REDIC1: variants seen among roughly 807,000 people sequenced by gnomAD.
The protein encoded by REDIC1 is regulator of DNA class I crossover intermediates 1.
chr12:39,783,925 C>A, the REDIC1 span, among the ~76,000 whole-genome samples: 1 of 152,132 alleles, frequency 6.6e-6, no homozygotes, highest in Non-Finnish European at 1.5e-5. Context: ...TTCCTGTACA[C>A]AAATAACAGA....
chr12:39,802,767 ATAGATG>A, the REDIC1 span, among the ~76,000 whole-genome samples: 641 of 152,340 alleles, frequency 4.2e-3, 3 homozygotes, highest in African/African-American at 0.014. Context: ...GTAACCATAT[ATAGATG>A]TAGATATGGA....
At chr12:39,691,137 G>A in the REDIC1 span, among the ~76,000 whole-genome samples, 1 of 152,108 alleles carries the variant, frequency 6.6e-6, no homozygotes, top group African/African-American at 2.4e-5. Context: ...GTGGAGGATT[G>A]TGGGGAAGAT....
chr12:39,679,336 A>G, the REDIC1 span, among the ~76,000 whole-genome samples: 1 of 152,228 alleles, frequency 6.6e-6, no homozygotes. Flanking sequence ...AATGTACACA[A>G]TGCAGTAGAA....
At chr12:39,716,076 A>G in the REDIC1 span, among the ~76,000 whole-genome samples, 2 of 151,952 alleles carry the variant, frequency 1.3e-5, no homozygotes, top group African/African-American at 2.4e-5. Flanking sequence ...GGTTTATTGC[A>G]TATAGTAGGG....
the REDIC1 span, among the ~76,000 whole-genome samples, chr12:39,701,913 C>G: frequency 6.6e-6 from 1 of 152,032 alleles, no homozygotes; most frequent in East Asian, 1.9e-4. Flanking sequence ...CACAACATAC[C>G]AGAATCTCTG....
chr12:39,680,768 G>GCA, the REDIC1 span, among the ~76,000 whole-genome samples: 112,433 of 149,730 alleles, frequency 0.75, 42,952 homozygotes, highest in Non-Finnish European at 0.83. Flanking sequence ...AAATACATAC[G>GCA]CACACACACA....
the REDIC1 span, among the ~76,000 whole-genome samples, chr12:39,810,445 GTA>G: frequency 1.3e-5 from 2 of 152,072 alleles, no homozygotes; most frequent in Admixed American, 6.6e-5. Context: ...TGAAAATAGA[GTA>G]TATATTCCTT....
At chr12:39,713,156 TAC>T in the REDIC1 span, among the ~76,000 whole-genome samples, 3 of 150,238 alleles carry the variant, frequency 2.0e-5, no homozygotes, top group Admixed American at 1.3e-4. Flanking sequence ...TATGTGCATA[TAC>T]ACACGTGTAT....
chr12:39,684,774 T>C, the REDIC1 span: 1 of 865,412 alleles, frequency 1.2e-6, no homozygotes, highest in Admixed American at 2.4e-5. Flanking sequence ...CATATAATTC[T>C]GATCTGAAGC....
chr12:39,831,671 C>T, the REDIC1 span, among the ~76,000 whole-genome samples: 3 of 151,968 alleles, frequency 2.0e-5, no homozygotes, highest in East Asian at 5.8e-4. Flanking sequence ...GGGAAAGATC[C>T]CTCATGAATG....
the REDIC1 span, among the ~76,000 whole-genome samples, chr12:39,813,045 A>G: frequency 2.2e-5 from 2 of 89,118 alleles, no homozygotes; most frequent in Non-Finnish European, 4.0e-5. Flanking sequence ...GGGTTTCACC[A>G]TGTTGGCCAC....
chr12:39,723,178 T>C, the REDIC1 span, among the ~76,000 whole-genome samples: 2 of 152,180 alleles, frequency 1.3e-5, no homozygotes, highest in Admixed American at 6.6e-5. Context: ...TTTCCTAGAC[T>C]CTGTCCGATG....
the REDIC1 span, among the ~76,000 whole-genome samples, chr12:39,715,597 G>T: frequency 6.6e-6 from 1 of 151,836 alleles, no homozygotes; most frequent in African/African-American, 2.4e-5. Context: ...GTATGGAACC[G>T]AAAAAGAGCC....
At chr12:39,768,442 ATC>A in the REDIC1 span, among the ~76,000 whole-genome samples, 66 of 152,230 alleles carry the variant, frequency 4.3e-4, no homozygotes, top group African/African-American at 1.6e-3. Context: ...CTTTCAGCCT[ATC>A]TCAGCTTTCA....
the REDIC1 span, among the ~76,000 whole-genome samples, chr12:39,839,311 G>T: frequency 2.2e-3 from 328 of 152,136 alleles, no homozygotes; most frequent in South Asian, 0.011. Flanking sequence ...GAGCATAGAT[G>T]TCGGTTGATT....
At chr12:39,709,105 G>A in the REDIC1 span, among the ~76,000 whole-genome samples, 1 of 151,538 alleles carries the variant, frequency 6.6e-6, no homozygotes. Flanking sequence ...CATGTTTCTT[G>A]TTAGATTTAT....
chr12:39,669,818 G>C, the REDIC1 span, among the ~76,000 whole-genome samples: 1 of 152,216 alleles, frequency 6.6e-6, no homozygotes, highest in Non-Finnish European at 1.5e-5. Context: ...CTAGCTATGA[G>C]TGAGGCTCCA....
At chr12:39,692,910 A>G in the REDIC1 span, among the ~76,000 whole-genome samples, 1 of 152,088 alleles carries the variant, frequency 6.6e-6, no homozygotes, top group Non-Finnish European at 1.5e-5. Flanking sequence ...CCTCTTAGCA[A>G]GGGATAACAG....
At chr12:39,668,697 A>T in the REDIC1 span, among the ~76,000 whole-genome samples, 2 of 152,182 alleles carry the variant, frequency 1.3e-5, no homozygotes, top group Non-Finnish European at 2.9e-5. Context: ...TACACCAATC[A>T]GACATAGATT....
Sources: gnomAD v4.1 joint callset for allele counts (sites outside exome capture counted in the v4.1 genomes callset) on GRCh38, gnomAD v4.1.1 for gene constraint, MANE v1.5 for transcripts, NCBI Gene and HGNC (gene_info 2026-07-23, HGNC 2026-07-21) for gene names.